Variants in LMF1 observed in about 807,000 individuals in gnomAD.
LMF1 encodes transmembrane protein 112.
A neutral mutation model predicts 60.6 loss-of-function variants in LMF1; 68 were observed. The ratio of observed to expected loss-of-function variants is 1.12; its 90% CI spans 0.92 to 1.37. The LOEUF is 1.37. Ranked by LOEUF, LMF1 falls within the 40% of genes most tolerant of loss-of-function variation. The probability of loss-of-function intolerance (pLI) is 0.00; values close to 1 mark genes in which losing one functional copy is unlikely to be tolerated. For missense variants in LMF1, 948 were observed against 767.2 expected (o/e 1.24, Z -2.78); for synonymous variants, 418 against 324.7 (o/e 1.29, Z -3.09).
At chr16:856,731 G>A (rs1379879978) in intron 10 of LMF1, among the ~76,000 whole-genome samples, 2 of 152,264 alleles carry the variant, frequency 1.3e-5, no homozygotes, top group Non-Finnish European at 1.5e-5. Context: ...CCAGCGGCCT[G>A]AAGGGTTGCA....
At chr16:952,597 G>C (rs1287777258) in intron 2 of LMF1, 1 of 153,452 alleles carries the variant, frequency 6.5e-6, no homozygotes, top group Non-Finnish European at 1.5e-5. Context: ...TTCCATCCTG[G>C]GACAGGGTCC....
In LMF1 at chr16:870,015, G is replaced by A. The variant is rs570719111; in HGVS notation, c.1284C>T (p.Asn428=). 37 of 1,612,748 alleles carry A rather than the reference G, an allele frequency of 2.3e-5. No individual in the cohort carries two copies. The highest frequency in any genetic ancestry group is 1.7e-4 in the African/African-American group (13 of 75,056). ...EVILQGTASS[N]ASAPDAMWED... The stretch of plus-strand genomic sequence containing the variant: ...CCCACATGGCATCGGGGGCGCTGGC[G>A]TTGGAGCTGGCTGTGCCCTGCAGGA... Residue 428 remains asparagine, a synonymous_variant, in exon 9 of 11, where the codon AAC becomes AAT. Coordinates refer to ENST00000262301, the MANE Select transcript of LMF1 (RefSeq NM_022773.4).
At chr16:918,448 C>T (rs1028968242) in intron 3 of LMF1, among the ~76,000 whole-genome samples, 2 of 152,256 alleles carry the variant, frequency 1.3e-5, no homozygotes, top group African/African-American at 2.4e-5. Flanking sequence ...AATTAGACTT[C>T]GCGGCAAAGA....
chr16:924,664 C>A (rs552092124), intron 3 of LMF1, among the ~76,000 whole-genome samples: 10 of 152,256 alleles, frequency 6.6e-5, no homozygotes, highest in Admixed American at 6.5e-4. Context: ...TGGGTAGCCG[C>A]CCTCCAGTTG....
chr16:940,096 G>A (rs991487383), intron 2 of LMF1, among the ~76,000 whole-genome samples: 4 of 152,242 alleles, frequency 2.6e-5, no homozygotes, highest in South Asian at 2.1e-4. Context: ...TCCACAAGCC[G>A]GGGGTGCCCG....
In LMF1 at chr16:976,577, CT is replaced by C. The variant is rs762101717; in HGVS notation, c.-135+4567del. Reference sequence around the variant, plus strand: ...GCTCCTGCCTAGGGATGTTTTGGGGCTGCAGAAGGACCCTCTGCCCATTATC... The same window carrying C: ...GCTCCTGCCTAGGGATGTTTTGGGGCGCAGAAGGACCCTCTGCCCATTATC... On this transcript the variant is annotated intron_variant, in intron 1 of 6. Transcript: ENST00000570014. 99 of 454,104 alleles carry C rather than the reference CT, an allele frequency of 2.2e-4. 1 individual carries two copies. The highest frequency in any genetic ancestry group is 1.4e-3 in the South Asian group (93 of 64,474). The allele number at this position is 454,104 out of a possible 1,614,324, so 28.1% of individuals were successfully genotyped here.
chr16:908,148 G>A (rs974060572), intron 4 of LMF1, among the ~76,000 whole-genome samples: 1 of 152,236 alleles, frequency 6.6e-6, no homozygotes, highest in African/African-American at 2.4e-5. Flanking sequence ...GCCAGCAGAG[G>A]GTGGAACCTA....
At chr16:940,453 G>A (rs966760407) in intron 2 of LMF1, among the ~76,000 whole-genome samples, 3 of 152,024 alleles carry the variant, frequency 2.0e-5, no homozygotes, top group Non-Finnish European at 2.9e-5. Context: ...GGTCCTCCCC[G>A]CAGGCAGCGT....
At chr16:955,467 G>GCA (rs1279558055) in intron 1 of LMF1, among the ~76,000 whole-genome samples, 50 of 94,240 alleles carry the variant, frequency 5.3e-4, no homozygotes, top group South Asian at 3.0e-3. Flanking sequence ...CGCGGTGTGT[G>GCA]CATACACACA....
intron 5 of LMF1, among the ~76,000 whole-genome samples, chr16:883,162 C>T (rs1198457116): frequency 6.6e-6 from 1 of 151,054 alleles, no homozygotes; most frequent in Non-Finnish European, 1.5e-5. Context: ...TCAGCAGAGC[C>T]CATCACAGGA....
chr16:868,690 GGGCTCCTCTCACCAC>G (rs1479296616), intron 10 of LMF1, among the ~76,000 whole-genome samples: 14 of 150,730 alleles, frequency 9.3e-5, no homozygotes, highest in African/African-American at 2.9e-4. Context: ...CAGCTGTCCT[GGGCTCCTCTCACCAC>G]GGCTGGTTTG....
intron 1 of LMF1, among the ~76,000 whole-genome samples, chr16:966,222 G>T (rs1388891904): frequency 6.6e-6 from 1 of 152,176 alleles, no homozygotes; most frequent in Non-Finnish European, 1.5e-5. Context: ...CAGGCACCAC[G>T]GCTCGTCCAC....
chr16:877,060 C>A (rs1171981133), intron 6 of LMF1, among the ~76,000 whole-genome samples: 1 of 152,160 alleles, frequency 6.6e-6, no homozygotes, highest in African/African-American at 2.4e-5. Flanking sequence ...GGCCTTGAGG[C>A]CGGGCGCACA....
At chr16:978,919 T>G (rs1477980190) in intron 1 of LMF1, 2 of 450,888 alleles carry the variant, frequency 4.4e-6, no homozygotes. Flanking sequence ...GGCCTCTCCC[T>G]GCAGGAGATC....
intron 2 of LMF1, among the ~76,000 whole-genome samples, chr16:951,224 TGACAGAGTCAGCCAAC>T (rs1030300395): frequency 3.1e-4 from 15 of 49,126 alleles, no homozygotes; most frequent in East Asian, 1.8e-3. Context: ...CAGAGTCAGC[TGACAGAGTCAGCCAAC>T]GACAGAGTCA....
In LMF1 at chr16:854,337, G is replaced by C. The variant is rs778646757; in HGVS notation, c.*195C>G. 13 of 724,430 alleles carry C rather than the reference G, an allele frequency of 1.8e-5. No homozygotes were observed. The South Asian group carries it at 1.9e-4, about 11-fold the overall frequency. The allele number at this position is 724,430 out of a possible 1,614,324, so 44.9% of individuals were successfully genotyped here. On this transcript the variant is annotated 3_prime_UTR_variant, in exon 11 of 11. Transcript: ENST00000262301. Reference sequence around the variant, plus strand: ...GGGTTGGCCTGGATGTGGGGCCCCAGGTGGGCAGGGCCTGGGAGCCGCCAC... The same window carrying C: ...GGGTTGGCCTGGATGTGGGGCCCCACGTGGGCAGGGCCTGGGAGCCGCCAC...
chr16:954,006 C>T (rs1480146531), intron 2 of LMF1, among the ~76,000 whole-genome samples: 3 of 130,234 alleles, frequency 2.3e-5, no homozygotes, highest in Non-Finnish European at 5.1e-5. Flanking sequence ...CAGCCTCCTA[C>T]ACGTCCACAC....
At chr16:938,110 C>G (rs2071995283) in intron 2 of LMF1, among the ~76,000 whole-genome samples, 1 of 152,228 alleles carries the variant, frequency 6.6e-6, no homozygotes, top group Non-Finnish European at 1.5e-5. Context: ...GTCTACCCGC[C>G]TCGCAGGAGA....
At chr16:954,782 G>C in intron 1 of LMF1, 116 bp from the exon 2 acceptor site, 1 of 963,680 alleles carries the variant, frequency 1.0e-6, no homozygotes, top group Non-Finnish European at 1.5e-6. Flanking sequence ...GAGTCTGGCT[G>C]ACGGTTTGGG....
Sources: allele counts gnomAD v4.1 joint callset (sites outside exome capture counted in the v4.1 genomes callset), GRCh38; gene constraint gnomAD v4.1.1; transcripts MANE v1.5; gene names NCBI Gene and HGNC (gene_info 2026-07-23, HGNC 2026-07-21).